Variants in PADI1 observed in about 807,000 individuals in gnomAD.
PADI1 encodes the protein protein-arginine deiminase type-1.
Under a neutral mutation model 74.8 loss-of-function variants are expected in PADI1, and 65 were observed. The ratio of observed to expected loss-of-function variants is 0.87; its 90% CI spans 0.71 to 1.07. The LOEUF (loss-of-function observed/expected upper bound fraction) is 1.07. PADI1 is among the 50% of genes least tolerant of loss of function. PADI1 has a pLI of 0.00. For missense variants in PADI1, 943 were observed against 854.0 expected, an observed-to-expected ratio of 1.10 and a Z score of -1.30; for synonymous variants, 371 against 336.2, an observed-to-expected ratio of 1.10 and a Z score of -1.13.
At chr1:17,223,290 T>G (rs74640222) in intron 2 of PADI1, among the ~76,000 whole-genome samples, 1,670 of 152,222 alleles carry the variant, frequency 0.011, 32 homozygotes, top group East Asian at 0.098. Flanking sequence ...CTGAGAGACT[T>G]GCCTAAGTCG....
At chr1:17,215,593 A>C (rs1421736726) in intron 1 of PADI1, among the ~76,000 whole-genome samples, 1 of 152,062 alleles carries the variant, frequency 6.6e-6, no homozygotes. Context: ...TTCTGCTGCC[A>C]GCTGGGTGCC....
intron 10 of PADI1, among the ~76,000 whole-genome samples, chr1:17,232,046 C>T (rs1269853206): frequency 6.6e-6 from 1 of 152,314 alleles, no homozygotes; most frequent in African/African-American, 2.4e-5. Flanking sequence ...TCAAGCGATT[C>T]TCCTGCCTCA....
intron 1 of PADI1, among the ~76,000 whole-genome samples, chr1:17,208,120 T>C (rs2100387643): frequency 6.6e-6 from 1 of 152,302 alleles, no homozygotes; most frequent in Middle Eastern, 3.4e-3. Context: ...GGGTTTCTAG[T>C]TGGCCTTACT....
intron 15 of PADI1, 73 bp downstream of exon 15, chr1:17,240,833 C>T: frequency 2.0e-6 from 3 of 1,535,610 alleles, no homozygotes; most frequent in Non-Finnish European, 2.7e-6. Context: ...TGGCCCAGGG[C>T]AGGCTGGTGC....
At chr1:17,207,601 C>T (rs1245476023) in intron 1 of PADI1, among the ~76,000 whole-genome samples, 1 of 152,186 alleles carries the variant, frequency 6.6e-6, no homozygotes, top group East Asian at 1.9e-4. Context: ...TGGGAGGAGA[C>T]GAGGACAGCT....
intron 13 of PADI1, among the ~76,000 whole-genome samples, chr1:17,239,077 A>C (rs959030517): frequency 1.3e-5 from 2 of 152,176 alleles, no homozygotes; most frequent in African/African-American, 4.8e-5. Flanking sequence ...TGGGGCCTTG[A>C]GAGAGGAAGG....
At chr1:17,225,508 A>G (rs2072282706) in intron 4 of PADI1, among the ~76,000 whole-genome samples, 1 of 151,904 alleles carries the variant, frequency 6.6e-6, no homozygotes, top group Admixed American at 6.6e-5. Flanking sequence ...AGGCAGAGCT[A>G]AAGCTTAGCC....
Position 17,240,733 on chromosome 1 carries a change from C to G in PADI1, c.1731C>G (p.Phe577Leu), listed in dbSNP as rs1311956098. ...CCCAGCTCTTCTTCCTGAAAAACTT[C>G]TACGCGGAAGCCTTCTTCCCAGACA... Reference protein sequence around the residue: ...DIPQLFFLKNFYAEAFFPDMV... With the variant: ...DIPQLFFLKNLYAEAFFPDMV... The change falls in exon 15 of 16, where the codon TTC becomes TTG. Residue 577 changes from phenylalanine to leucine, a missense_variant. Coordinates refer to ENST00000375471, the MANE Select transcript of PADI1 (RefSeq NM_013358.3). 1 of 1,614,072 alleles carries G rather than the reference C, an allele frequency of 6.2e-7. No individual in the cohort carries two copies. The highest frequency in any genetic ancestry group is 2.2e-5 in the East Asian group (1 of 44,882).
rs572622670 is a variant in PADI1, at chr1:17,210,790, A to T, written c.92+5481A>T. On this transcript the variant is annotated intron_variant, in intron 1 of 15. Coordinates refer to ENST00000375471, the MANE Select transcript of PADI1 (RefSeq NM_013358.3). ...CCAGCCAGCCCCGGGGAGAGGATGC[A>T]GGGGAAAGCTAAAGCCAGGGTTGCA... is the stretch of plus-strand genomic sequence containing the variant. Among the ~76,000 whole-genome samples, 227 of 152,298 alleles carry T rather than the reference A, an allele frequency of 1.5e-3. 2 individuals carry two copies. The highest frequency in any genetic ancestry group is 5.2e-3 in the African/African-American group (218 of 41,580).
rs1055145917 is a variant in PADI1, at chr1:17,244,569, C to G, written c.*326C>G. On this transcript the variant is annotated 3_prime_UTR_variant, in exon 16 of 16. Transcript: ENST00000375471. ...AGATGGGCCCCACTTAGAATTGCTC[C>G]CCCTTCATTCTGATGCCTCCCTGGG... 2.8e-5 allele frequency: 12 copies of G among 435,862 alleles called. No homozygotes were observed. The highest frequency in any genetic ancestry group is 3.5e-4 in the Middle Eastern group (1 of 2,876). The allele number at this position is 435,862 out of a possible 1,614,324, so 27.0% of individuals were successfully genotyped here. A position where few individuals can be genotyped will look rare whatever the true frequency, so the allele number is the denominator to read the frequency against.
intron 1 of PADI1, among the ~76,000 whole-genome samples, chr1:17,208,044 AGTG>A: frequency 6.6e-6 from 1 of 152,354 alleles, no homozygotes; most frequent in Non-Finnish European, 1.5e-5. Context: ...CTTGATGACA[AGTG>A]ATGAACTTGG....
intron 5 of PADI1, 40 bp from the exon 6 acceptor site, chr1:17,225,993 G>A: frequency 6.2e-7 from 1 of 1,611,840 alleles, no homozygotes; most frequent in Non-Finnish European, 8.5e-7. Context: ...CTGTTGGTGG[G>A]GTGGAGAAAG....
intron 15 of PADI1, 60 bp from the exon 16 acceptor site, chr1:17,243,950 G>T (rs2072827370): frequency 1.7e-6 from 2 of 1,200,044 alleles, no homozygotes; most frequent in Non-Finnish European, 2.4e-6. Context: ...CAAGGAAGGG[G>T]TGCCAGAAGC....
At chr1:17,217,486 T>A (rs2072010966) in intron 1 of PADI1, among the ~76,000 whole-genome samples, 1 of 152,204 alleles carries the variant, frequency 6.6e-6, no homozygotes, top group Admixed American at 6.5e-5. Context: ...CCAGGGTCCT[T>A]CCTCAAGGAG....
At chr1:17,207,511 C>G (rs1198223347) in intron 1 of PADI1, among the ~76,000 whole-genome samples, 3 of 152,206 alleles carry the variant, frequency 2.0e-5, no homozygotes, top group Admixed American at 1.3e-4. Context: ...CCGTGGGTGC[C>G]CTGGCAGTGC....
chr1:17,205,563 T>A (rs2071661495), intron 1 of PADI1, among the ~76,000 whole-genome samples: 1 of 152,056 alleles, frequency 6.6e-6, no homozygotes, highest in Non-Finnish European at 1.5e-5. Flanking sequence ...AGCCTTAGAT[T>A]TCTAACTCTG....
At chr1:17,216,311 G>A (rs1320287094) in intron 1 of PADI1, among the ~76,000 whole-genome samples, 1 of 152,174 alleles carries the variant, frequency 6.6e-6, no homozygotes, top group African/African-American at 2.4e-5. Context: ...AAATCCACAT[G>A]GAAGCAACTG....
At chr1:17,231,050 T>G (rs1194764856) in intron 10 of PADI1, among the ~76,000 whole-genome samples, 1 of 152,186 alleles carries the variant, frequency 6.6e-6, no homozygotes, top group Non-Finnish European at 1.5e-5. Flanking sequence ...GCTCTTGTTC[T>G]TAAGAGCTAG....
At chr1:17,205,362 G>A (rs752746015) in intron 1 of PADI1, 53 bp downstream of exon 1, 84 of 1,407,190 alleles carry the variant, frequency 6.0e-5, no homozygotes, top group Non-Finnish European at 8.2e-5. Context: ...TAGAGTGTAA[G>A]TCAATGGGGT....
Sources: allele counts gnomAD v4.1 joint callset (sites outside exome capture counted in the v4.1 genomes callset), GRCh38; gene constraint gnomAD v4.1.1; transcripts MANE v1.5; gene names NCBI Gene and HGNC (gene_info 2026-07-23, HGNC 2026-07-21).